The following STRN variants were observed in gnomAD, a reference collection of about 807,000 sequenced individuals.
STRN encodes the protein striatin, also known as protein phosphatase 2 regulatory subunit B'''alpha.
A neutral mutation model predicts 96.3 loss-of-function variants in STRN; 53 were observed. The ratio of observed to expected loss-of-function variants is 0.55; its 90% CI spans 0.44 to 0.69. STRN has a LOEUF of 0.69. Among genes scored for constraint, STRN ranks in the 30% least tolerant of loss-of-function variants. The pLI, the probability that STRN is intolerant of heterozygous loss-of-function variation, is 0.00. For synonymous variants in STRN, 428 were observed against 355.9 expected, an observed-to-expected ratio of 1.20 and a Z score of -2.28; for missense variants, 987 against 963.9, an observed-to-expected ratio of 1.02 and a Z score of -0.32.
intron 1 of STRN, among the ~76,000 whole-genome samples, chr2:36,964,103 G>T (rs1572705879): frequency 6.8e-6 from 1 of 148,080 alleles, no homozygotes; most frequent in Non-Finnish European, 1.5e-5. Context: ...GTTTGGAGAT[G>T]TGTGCATAAA....
intron 15 of STRN, 61 bp from the exon 16 acceptor site, chr2:36,851,168 G>A (rs1024142529): frequency 6.0e-5 from 85 of 1,414,198 alleles, no homozygotes; most frequent in Non-Finnish European, 8.1e-5. Context: ...ACACAAAGGA[G>A]AACTGAATTA....
intron 1 of STRN, among the ~76,000 whole-genome samples, chr2:36,944,755 A>T (rs1036859585): frequency 6.6e-6 from 1 of 152,250 alleles, no homozygotes; most frequent in Admixed American, 6.5e-5. Context: ...AAAGGATAGA[A>T]GCAAGCAGTT....
At chr2:36,910,173 CAAAAA>C (rs146718686) in intron 3 of STRN, among the ~76,000 whole-genome samples, 1 of 112,966 alleles carries the variant, frequency 8.9e-6, no homozygotes, top group East Asian at 4.4e-4. Context: ...GACTTTGTCT[CAAAAA>C]AAAAAAAAAA....
intron 1 of STRN, among the ~76,000 whole-genome samples, chr2:36,961,937 C>G (rs1199283930): frequency 6.6e-6 from 1 of 152,198 alleles, no homozygotes; most frequent in Non-Finnish European, 1.5e-5. Flanking sequence ...GTAGAAAGCT[C>G]TTTCCTCACC....
At chr2:36,920,905 T>C (rs1416523284) in intron 2 of STRN, among the ~76,000 whole-genome samples, 3 of 151,582 alleles carry the variant, frequency 2.0e-5, no homozygotes, top group African/African-American at 7.3e-5. Flanking sequence ...TGACACCCCA[T>C]CTCTACTAAA....
rs1237506471 is a variant in STRN at position 36,897,443 on chromosome 2, A to T, written c.795+2080T>A. ...CCAAAAAAAACTAAAAAATATATAT[A>T]TATTTTTTTTTTGAGACAGTCTCGC... is the stretch of plus-strand genomic sequence containing the variant. On this transcript the variant is annotated intron_variant, in intron 6 of 17. Transcript: ENST00000263918. Among the ~76,000 whole-genome samples the T allele has an allele frequency of 3.4e-3, 502 of 149,726 alleles. 4 individuals are homozygous for T. The highest frequency in any genetic ancestry group is 9.0e-3 in the African/African-American group (370 of 41,078).
chr2:36,858,104 A>T (rs1053321089), intron 13 of STRN, 81 bp from the exon 14 acceptor site: 11 of 1,154,652 alleles, frequency 9.5e-6, no homozygotes, highest in Non-Finnish European at 1.3e-5. Context: ...TAAAATATAT[A>T]AACAATAGCA....
In STRN at chr2:36,855,361, G is replaced by A. The variant is rs748215882; in HGVS notation, c.1838-9C>T. ...GGCAGGGATTCCCAGTTCTGAAAGA[G>A]AACATATTGAAATAGAATGGCAATT... On this transcript the variant is annotated splice_polypyrimidine_tract_variant and intron_variant, in intron 14 of 17. Transcript: ENST00000263918. The A allele has an allele frequency of 2.5e-6, 4 of 1,610,980 alleles. No homozygotes were observed. Among genetic ancestry groups the A allele is most frequent in the African/African-American group, 2.7e-5 (2 of 74,742 alleles).
chr2:36,929,618 C>T (rs1260731939), intron 1 of STRN, among the ~76,000 whole-genome samples: 2 of 152,068 alleles, frequency 1.3e-5, no homozygotes, highest in Non-Finnish European at 2.9e-5. Flanking sequence ...CTCCTGACCT[C>T]GTGATCCACC....
At chr2:36,858,760 T>G (rs1158526554) in intron 13 of STRN, among the ~76,000 whole-genome samples, 1 of 152,192 alleles carries the variant, frequency 6.6e-6, no homozygotes, top group Non-Finnish European at 1.5e-5. Flanking sequence ...ACACATACCA[T>G]AAAATATTGA....
chr2:36,920,235 T>C (rs1670216523), intron 2 of STRN, among the ~76,000 whole-genome samples: 1 of 152,224 alleles, frequency 6.6e-6, no homozygotes, highest in Non-Finnish European at 1.5e-5. Context: ...TTTTTTAAAA[T>C]TCAATTTAAA....
Position 36,839,338 on chromosome 2 carries a change from A to C in STRN, c.*10118T>G, listed in dbSNP as rs905959309. Reference sequence around the variant, plus strand: ...CAGGTGAAGTTTTTGTTTACTGCTGACTGCCAGCAACTAGAACTGTGTGGC... The same window carrying C: ...CAGGTGAAGTTTTTGTTTACTGCTGCCTGCCAGCAACTAGAACTGTGTGGC... On this transcript the variant is annotated 3_prime_UTR_variant, in exon 18 of 18. Coordinates refer to ENST00000263918, the MANE Select transcript of STRN (RefSeq NM_003162.4). Among the ~76,000 whole-genome samples, 1 of 152,100 alleles carries C rather than the reference A, an allele frequency of 6.6e-6. No individual in the cohort carries two copies. The highest frequency in any genetic ancestry group is 2.4e-5 in the African/African-American group (1 of 41,398).
intron 12 of STRN, among the ~76,000 whole-genome samples, chr2:36,863,229 G>T (rs1222555693): frequency 6.6e-6 from 1 of 151,738 alleles, no homozygotes; most frequent in Non-Finnish European, 1.5e-5. Context: ...TGCTTTTGGT[G>T]TCTTCATCAT....
chr2:36,906,463 C>CAATGAATGAATA, intron 3 of STRN, among the ~76,000 whole-genome samples: 1 of 149,872 alleles, frequency 6.7e-6, no homozygotes, highest in South Asian at 2.1e-4. Flanking sequence ...TGTCTCAAAA[C>CAATGAATGAATA]AATGAATGAA....
At chr2:36,966,191 G>C (rs955888417) in intron 1 of STRN, 39 bp downstream of exon 1, 1 of 1,501,362 alleles carries the variant, frequency 6.7e-7, no homozygotes, top group African/African-American at 1.4e-5. Context: ...AGGGAGCAAA[G>C]AGGCGGGATG....
intron 3 of STRN, among the ~76,000 whole-genome samples, chr2:36,906,489 A>ATGAATGAATGAATGAG (rs1669823788): frequency 6.6e-6 from 1 of 151,962 alleles, no homozygotes; most frequent in Non-Finnish European, 1.5e-5. Context: ...GAATGAATGA[A>ATGAATGAATGAATGAG]TGAGTAACAA....
intron 1 of STRN, among the ~76,000 whole-genome samples, chr2:36,937,950 T>A (rs1259067128): frequency 6.6e-6 from 1 of 151,910 alleles, no homozygotes; most frequent in African/African-American, 2.4e-5. Flanking sequence ...CAAAGAAACA[T>A]GAAACTAAGT....
chr2:36,944,690 CAGA>C (rs1379230333), intron 1 of STRN, among the ~76,000 whole-genome samples: 2 of 151,924 alleles, frequency 1.3e-5, no homozygotes, highest in African/African-American at 4.8e-5. Context: ...ATATACATAG[CAGA>C]AGATTTCAAT....
chr2:36,913,974 C>T (rs1317280268), intron 3 of STRN, among the ~76,000 whole-genome samples: 4 of 151,982 alleles, frequency 2.6e-5, no homozygotes, highest in Admixed American at 2.0e-4. Context: ...GCGCTGTTTA[C>T]TTATAAACTT....
Sources: allele counts gnomAD v4.1 joint callset (sites outside exome capture counted in the v4.1 genomes callset), GRCh38; gene constraint gnomAD v4.1.1; transcripts MANE v1.5; gene names NCBI Gene and HGNC (gene_info 2026-07-23, HGNC 2026-07-21).